Variants in NMNAT2 observed in about 807,000 individuals in gnomAD.
The protein encoded by NMNAT2 is nicotinamide nucleotide adenylyltransferase 2.
NMNAT2 carries 11 observed loss-of-function variants against 41.6 expected under a neutral mutation model. The ratio of observed to expected loss-of-function variants is 0.26; its 90% CI spans 0.17 to 0.44. The LOEUF (loss-of-function observed/expected upper bound fraction) is 0.44, where lower values mean the gene tolerates loss of function less well. NMNAT2 is among the 20% of genes least tolerant of loss of function. The pLI is 1.00. For synonymous variants in NMNAT2, 148 were observed against 151.2 expected, an observed-to-expected ratio of 0.98 and a Z score of 0.16; for missense variants, 288 against 407.7, an observed-to-expected ratio of 0.71 and a Z score of 2.53.
chr1:183,376,374 A>G (rs1393224114), intron 1 of NMNAT2, among the ~76,000 whole-genome samples: 1 of 152,212 alleles, frequency 6.6e-6, no homozygotes, highest in East Asian at 1.9e-4. Context: ...GCTCTACAGC[A>G]ATGGCTCATG....
chr1:183,322,878 T>C (rs1458816856), intron 1 of NMNAT2, among the ~76,000 whole-genome samples: 1 of 152,180 alleles, frequency 6.6e-6, no homozygotes, highest in African/African-American at 2.4e-5. Context: ...AATCTAATTA[T>C]CTGCTTGACA....
chr1:183,391,873 C>T (rs770845733), intron 1 of NMNAT2, among the ~76,000 whole-genome samples: 1 of 152,178 alleles, frequency 6.6e-6, no homozygotes, highest in Non-Finnish European at 1.5e-5. Flanking sequence ...ATCACTGTCT[C>T]CTGATTTTCC....
intron 1 of NMNAT2, among the ~76,000 whole-genome samples, chr1:183,400,770 A>G (rs1317966228): frequency 6.6e-6 from 1 of 152,204 alleles, no homozygotes; most frequent in African/African-American, 2.4e-5. Context: ...CATATCTACA[A>G]TCATCTGATC....
chr1:183,291,847 G>A (rs1199201632), intron 3 of NMNAT2, among the ~76,000 whole-genome samples: 1 of 152,186 alleles, frequency 6.6e-6, no homozygotes, highest in African/African-American at 2.4e-5. Context: ...CTCTACCTAA[G>A]CTTTATCTTT....
At chr1:183,320,312 A>C (rs550676616) in intron 1 of NMNAT2, among the ~76,000 whole-genome samples, 1 of 152,280 alleles carries the variant, frequency 6.6e-6, no homozygotes, top group South Asian at 2.1e-4. Context: ...GGCAGAGATT[A>C]AAATTTCTGG....
chr1:183,259,074 C>G (rs545087699), intron 10 of NMNAT2, among the ~76,000 whole-genome samples: 1 of 152,090 alleles, frequency 6.6e-6, no homozygotes, highest in South Asian at 2.1e-4. Context: ...GTGGTTACAC[C>G]CTGACCTTGC....
At chr1:183,260,654 A>G (rs536079757) in intron 10 of NMNAT2, among the ~76,000 whole-genome samples, 47 of 152,142 alleles carry the variant, frequency 3.1e-4, no homozygotes, top group Middle Eastern at 3.4e-3. Context: ...CCCCATCTCT[A>G]CTAAAAATAC....
intron 1 of NMNAT2, among the ~76,000 whole-genome samples, chr1:183,317,137 C>T (rs533308997): frequency 1.3e-5 from 2 of 152,334 alleles, no homozygotes; most frequent in South Asian, 2.1e-4. Context: ...AAATGGGAAC[C>T]GTCGGGTCAT....
At chr1:183,275,213 C>T (rs1268683998) in intron 8 of NMNAT2, among the ~76,000 whole-genome samples, 1 of 152,068 alleles carries the variant, frequency 6.6e-6, no homozygotes, top group Admixed American at 6.6e-5. Flanking sequence ...CTAAAATTAC[C>T]CTGTGGGATA....
At chr1:183,367,461 GTAAATAAA>G (rs746690757) in intron 1 of NMNAT2, among the ~76,000 whole-genome samples, 2 of 152,022 alleles carry the variant, frequency 1.3e-5, no homozygotes, top group African/African-American at 4.8e-5. Flanking sequence ...TCTGTCTCAA[GTAAATAAA>G]TAAATAAATA....
chr1:183,356,662 G>C (rs570115506), intron 1 of NMNAT2, among the ~76,000 whole-genome samples: 2 of 152,308 alleles, frequency 1.3e-5, no homozygotes, highest in African/African-American at 4.8e-5. Context: ...GAGCCAATTT[G>C]TTATGCCTAA....
chr1:183,414,950 T>G (rs1381310523), intron 1 of NMNAT2, among the ~76,000 whole-genome samples: 1 of 152,082 alleles, frequency 6.6e-6, no homozygotes, highest in Non-Finnish European at 1.5e-5. Context: ...AAAAAAATTA[T>G]TACAAATTTC....
At chr1:183,380,292 C>T (rs1292882081) in intron 1 of NMNAT2, among the ~76,000 whole-genome samples, 1 of 152,136 alleles carries the variant, frequency 6.6e-6, no homozygotes, top group Admixed American at 6.5e-5. Flanking sequence ...ATTTTACTTT[C>T]CTACCCTTAT....
chr1:183,357,153 T>C (rs551864004), intron 1 of NMNAT2, among the ~76,000 whole-genome samples: 2 of 147,528 alleles, frequency 1.4e-5, no homozygotes, highest in South Asian at 4.3e-4. Context: ...ACTAAAACAA[T>C]ACACAGGAGA....
chr1:183,400,402 C>T (rs369777326), intron 1 of NMNAT2, among the ~76,000 whole-genome samples: 56 of 152,060 alleles, frequency 3.7e-4, no homozygotes, highest in African/African-American at 1.1e-3. Flanking sequence ...CACTGCTCAA[C>T]GAAATAAAAG....
At chr1:183,388,453 T>C (rs79265977) in intron 1 of NMNAT2, among the ~76,000 whole-genome samples, 62 of 152,324 alleles carry the variant, frequency 4.1e-4, no homozygotes, top group African/African-American at 1.4e-3. Flanking sequence ...AGGTAACTCA[T>C]CACTTCTAAA....
chr1:183,351,916 G>A (rs1663053336), intron 1 of NMNAT2, among the ~76,000 whole-genome samples: 1 of 152,138 alleles, frequency 6.6e-6, no homozygotes, highest in African/African-American at 2.4e-5. Flanking sequence ...GATTTGTGAG[G>A]ACATAACTGT....
At chr1:183,263,573 C>T (rs752840195) in intron 8 of NMNAT2, among the ~76,000 whole-genome samples, 33 of 152,184 alleles carry the variant, frequency 2.2e-4, no homozygotes, top group Non-Finnish European at 4.4e-4. Flanking sequence ...AATCCCAGCA[C>T]TTTGGGAGGC....
At chr1:183,361,225 T>C (rs1663300628) in intron 1 of NMNAT2, among the ~76,000 whole-genome samples, 1 of 152,220 alleles carries the variant, frequency 6.6e-6, no homozygotes, top group Admixed American at 6.5e-5. Context: ...CTACCGAGTC[T>C]GGACTGAATG....
Sources: gnomAD v4.1 joint callset for allele counts (sites outside exome capture counted in the v4.1 genomes callset) on GRCh38, gnomAD v4.1.1 for gene constraint, MANE v1.5 for transcripts, NCBI Gene and HGNC (gene_info 2026-07-23, HGNC 2026-07-21) for gene names.